Variants in CLEC12A observed in about 807,000 individuals in gnomAD.
The protein encoded by CLEC12A is C-type lectin protein CLL-1.
A neutral mutation model predicts 26.5 loss-of-function variants in CLEC12A; 22 were observed. The ratio of observed to expected loss-of-function variants is 0.83; its 90% CI spans 0.59 to 1.19. The LOEUF is 1.19. Among genes scored for constraint, CLEC12A ranks in the 50% most tolerant of loss-of-function variants. The pLI, the probability that CLEC12A is intolerant of heterozygous loss-of-function variation, is 0.00. For synonymous variants in CLEC12A, 119 were observed against 101.9 expected, an observed-to-expected ratio of 1.17 and a Z score of -1.01; for missense variants, 353 against 315.6, an observed-to-expected ratio of 1.12 and a Z score of -0.90.
upstream of CLEC12A, among the ~76,000 whole-genome samples, chr12:9,967,804 C>T (rs200393539): frequency 2.0e-5 from 3 of 152,046 alleles, no homozygotes; most frequent in East Asian, 5.8e-4. Context: ...GGTTCTTGCT[C>T]CCAAGAAAAG....
chr12:9,986,110 G>A (rs1864759180), downstream of CLEC12A: 2 of 455,410 alleles, frequency 4.4e-6, no homozygotes, highest in African/African-American at 2.0e-5. Flanking sequence ...ATGCCAAAAT[G>A]ACGGAGAGCC....
upstream of CLEC12A, among the ~76,000 whole-genome samples, chr12:9,968,314 A>T (rs483499): frequency 5.3e-5 from 8 of 151,826 alleles, no homozygotes; most frequent in South Asian, 4.1e-4. Context: ...GCTTTGTGTG[A>T]GCAACAAGGC....
rs185608770 is a variant in CLEC12A, at chr12:9,985,349, C to T, written c.*323C>T. ...TCTTCCCCTTCTGGCCAAGATTTGC[C>T]AGAGGCAACATCAAAAACCAGCAAA... is the stretch of plus-strand genomic sequence containing the variant. On this transcript the variant is annotated 3_prime_UTR_variant, in exon 6 of 6. Transcript: ENST00000304361. 3.5e-5 allele frequency: 14 copies of T among 398,722 alleles called. No homozygotes were observed. In the Admixed American group the frequency reaches 4.8e-4, roughly 14 times the overall value. 24.7% of individuals were successfully genotyped at this position (398,722 alleles called of 1,614,324 possible). A position where few individuals can be genotyped will look rare whatever the true frequency, so the allele number is the denominator to read the frequency against.
the CLEC12A span, among the ~76,000 whole-genome samples, chr12:10,004,184 C>T: frequency 0.013 from 1,910 of 152,298 alleles, 19 homozygotes; most frequent in Middle Eastern, 0.027. Context: ...CCTGGAACCC[C>T]AGTGTTACAA....
intron 1 of CLEC12A, among the ~76,000 whole-genome samples, chr12:9,966,006 G>C (rs2137117639): frequency 6.6e-6 from 1 of 152,250 alleles, no homozygotes; most frequent in East Asian, 1.9e-4. Context: ...CCTAGGAATA[G>C]TTAGGGAAGC....
chr12:10,000,557 A>G (rs1394163716), downstream of CLEC12A, among the ~76,000 whole-genome samples: 1 of 152,250 alleles, frequency 6.6e-6, no homozygotes, highest in East Asian at 1.9e-4. Context: ...AAAATTTTTA[A>G]AAAACATTAA....
intron 1 of CLEC12A, among the ~76,000 whole-genome samples, chr12:9,976,730 G>C (rs751575691): frequency 6.6e-6 from 1 of 152,106 alleles, no homozygotes; most frequent in Non-Finnish European, 1.5e-5. Context: ...ATATGGTTTG[G>C]CTGTGTCCAC....
chr12:9,964,102 G>A (rs1376671380), intron 1 of CLEC12A, among the ~76,000 whole-genome samples: 1 of 152,216 alleles, frequency 6.6e-6, no homozygotes, highest in Non-Finnish European at 1.5e-5. Context: ...TTTGTGTTGT[G>A]AGAGGTAAAT....
At chr12:9,981,884 TATA>T in intron 4 of CLEC12A, 133 bp from the exon 5 acceptor site, 1 of 512,866 alleles carries the variant, frequency 1.9e-6, no homozygotes. Context: ...TTCAATTTCT[TATA>T]ATGACATTTA....
At chr12:9,977,448 A>AAACCTTT (rs1170144311) in intron 1 of CLEC12A, among the ~76,000 whole-genome samples, 3 of 152,208 alleles carry the variant, frequency 2.0e-5, no homozygotes, top group Non-Finnish European at 4.4e-5. Context: ...AAAACAAATA[A>AAACCTTT]AACCTTTAAC....
exon 1 of CLEC12A, chr12:9,951,326 C>A: frequency 1.4e-6 from 1 of 702,996 alleles, no homozygotes; most frequent in East Asian, 2.7e-5. Context: ...GGAAGAACAG[C>A]CTTTCAAATT....
intron 1 of CLEC12A, among the ~76,000 whole-genome samples, chr12:9,959,889 T>C (rs1591811723): frequency 6.6e-6 from 1 of 152,138 alleles, no homozygotes; most frequent in Non-Finnish European, 1.5e-5. Flanking sequence ...TGCTTGAGGA[T>C]TTTTTCCTCC....
At chr12:9,974,874 T>A (rs1348695502) in intron 1 of CLEC12A, among the ~76,000 whole-genome samples, 3 of 152,174 alleles carry the variant, frequency 2.0e-5, no homozygotes, top group African/African-American at 7.2e-5. Flanking sequence ...GTAGCTCCCA[T>A]AAGTCCCACA....
At chr12:9,993,343 T>TCAAACTACTATACA in intron 4 of CLEC12A, 1 of 1,424,474 alleles carries the variant, frequency 7.0e-7, no homozygotes, top group Non-Finnish European at 9.7e-7. Context: ...CAATCAGTAA[T>TCAAACTACTATACA]CAGACTCTGC....
At chr12:9,966,317 G>A (rs1243373863) in intron 1 of CLEC12A, among the ~76,000 whole-genome samples, 1 of 152,158 alleles carries the variant, frequency 6.6e-6, no homozygotes, top group African/African-American at 2.4e-5. Context: ...GAGGTGATTG[G>A]GCAGTGACAG....
At chr12:9,996,743 T>C (rs1461463420), downstream of CLEC12A, 3 of 1,188,622 alleles carry the variant, frequency 2.5e-6, no homozygotes, top group Non-Finnish European at 3.7e-6. Flanking sequence ...TAGTACAAAC[T>C]GAAAGATGTT....
intron 1 of CLEC12A, among the ~76,000 whole-genome samples, chr12:9,978,288 TA>T: frequency 6.8e-6 from 1 of 147,740 alleles, no homozygotes; most frequent in African/African-American, 2.5e-5. Context: ...GTTTTTTTTT[TA>T]AATAGAGAAA....
intron 4 of CLEC12A, chr12:9,993,300 A>G: frequency 6.3e-7 from 1 of 1,580,044 alleles, no homozygotes; most frequent in Non-Finnish European, 8.6e-7. Flanking sequence ...GTGAAGGGAA[A>G]GTTAGAATAA....
chr12:9,963,375 C>T (rs377072936), intron 1 of CLEC12A, among the ~76,000 whole-genome samples: 38 of 148,758 alleles, frequency 2.6e-4, no homozygotes, highest in East Asian at 2.0e-3. Context: ...AAGGCCTCAG[C>T]GGTTTTGGAG....
Sources: allele counts gnomAD v4.1 joint callset (sites outside exome capture counted in the v4.1 genomes callset), GRCh38; gene constraint gnomAD v4.1.1; transcripts MANE v1.5; gene names NCBI Gene and HGNC (gene_info 2026-07-23, HGNC 2026-07-21).